The following TLL2 variants were observed in gnomAD, a reference collection of about 807,000 sequenced individuals.
TLL2 encodes tolloid-like protein 2.
In TLL2, 106 loss-of-function variants were observed where a neutral mutation model predicts 123.0. That is an observed-to-expected ratio of 0.86 (90% CI 0.74 to 1.01). The LOEUF is 1.01. TLL2 is among the 50% of genes least tolerant of loss of function. The pLI, the probability that TLL2 is intolerant of heterozygous loss-of-function variation, is 0.00. For synonymous variants in TLL2, 494 were observed against 516.8 expected, an observed-to-expected ratio of 0.96 and a Z score of 0.60; for missense variants, 1,332 against 1,336.7, an observed-to-expected ratio of 1.00 and a Z score of 0.06.
In TLL2 at chr10:96,395,908, C is replaced by A; in HGVS notation, c.1497G>T (p.Gly499=). Residue 499 remains glycine, a synonymous_variant, in exon 12 of 21, where the codon GGG becomes GGT. Transcript: ENST00000357947. ...ECVWRITVSE[G]FHVGLTFQAF... ...CTTGGAAGGTAAGTCCCACGTGAAA[C>A]CCCTCTGAAACCGTAATCCTCCAGA... 6.2e-7 allele frequency: 1 copy of A among 1,614,200 alleles called. No homozygotes were observed. The highest frequency in any genetic ancestry group is 8.5e-7 in the Non-Finnish European group (1 of 1,180,040).
rs576495374 is a variant in TLL2 at position 96,402,944 on chromosome 10, C to T, written c.1267+2288G>A. 5.5e-4 allele frequency among the ~76,000 whole-genome samples: 83 copies of T among 152,276 alleles called. 2 individuals carry two copies. Among genetic ancestry groups the T allele is most frequent in the South Asian group, 1.7e-3 (8 of 4,824 alleles). On this transcript the variant is annotated intron_variant, in intron 10 of 20. Coordinates refer to ENST00000357947, the MANE Select transcript of TLL2 (RefSeq NM_012465.4). ...CCTATCTCCATCTTGGCCAACCACC[C>T]GATACCAGCTCACTCTCAGGCTCGT...
At chr10:96,393,614 G>A (rs1299048237) in intron 13 of TLL2, among the ~76,000 whole-genome samples, 1 of 152,224 alleles carries the variant, frequency 6.6e-6, no homozygotes, top group Non-Finnish European at 1.5e-5. Flanking sequence ...CTGGGCCAGG[G>A]TGGGATTGGG....
intron 7 of TLL2, among the ~76,000 whole-genome samples, chr10:96,415,467 A>G (rs1846545508): frequency 6.6e-6 from 1 of 151,682 alleles, no homozygotes; most frequent in East Asian, 2.0e-4. Context: ...TTCTTATCAT[A>G]CTGTATTGTT....
At chr10:96,429,383 T>C (rs1415498762) in intron 4 of TLL2, among the ~76,000 whole-genome samples, 4 of 151,670 alleles carry the variant, frequency 2.6e-5, no homozygotes, top group Admixed American at 2.6e-4. Flanking sequence ...AAAAGCTTGT[T>C]CAGAATAGAA....
At position 96,386,110 on chromosome 10, in the gene TLL2, G is replaced by A; in HGVS notation, c.1958C>T (p.Pro653Leu). The A allele has an allele frequency of 6.2e-7, 1 of 1,612,766 alleles. No homozygotes were observed. The highest frequency in any genetic ancestry group is 1.3e-5 in the African/African-American group (1 of 74,944). ...NKNCVWQVVA[P>L]AQYRISLQFE... Reference sequence around the variant, plus strand: ...CTGAAGGGAGATCCGGTACTGAGCGGGGGCCACCACCTGCCAGACACAGTT... The same window carrying A: ...CTGAAGGGAGATCCGGTACTGAGCGAGGGCCACCACCTGCCAGACACAGTT... Residue 653 changes from proline to leucine, a missense_variant, in exon 15 of 21, where the codon CCC becomes CTC. Pro to Leu is a moderately conservative substitution (Grantham distance 98, BLOSUM62 -3). Coordinates refer to ENST00000357947, the MANE Select transcript of TLL2 (RefSeq NM_012465.4).
intron 2 of TLL2, among the ~76,000 whole-genome samples, chr10:96,464,612 C>T (rs1316798322): frequency 2.6e-5 from 4 of 152,054 alleles, no homozygotes; most frequent in Non-Finnish European, 5.9e-5. Context: ...ACTGTAAGCT[C>T]CCTGGAGGCA....
chr10:96,458,112 A>T (rs902277484), intron 2 of TLL2, among the ~76,000 whole-genome samples: 3 of 152,090 alleles, frequency 2.0e-5, no homozygotes, highest in East Asian at 3.9e-4. Flanking sequence ...ATGTAAGGCC[A>T]GCAGGACATG....
chr10:96,494,329 T>C (rs1050963350), intron 1 of TLL2, among the ~76,000 whole-genome samples: 1 of 152,216 alleles, frequency 6.6e-6, no homozygotes, highest in African/African-American at 2.4e-5. Flanking sequence ...TGCCACCTCC[T>C]ATCACCAACT....
At chr10:96,476,240 A>ATATATATATATATATATATTCTTTTTTT in intron 2 of TLL2, among the ~76,000 whole-genome samples, 7 of 20,472 alleles carry the variant, frequency 3.4e-4, no homozygotes, top group Admixed American at 5.2e-4. Flanking sequence ...ATATATATAT[A>ATATATATATATATATATATTCTTTTTTT]TTTTATTTTT....
chr10:96,482,465 A>C (rs971293408), intron 1 of TLL2, among the ~76,000 whole-genome samples: 3 of 152,252 alleles, frequency 2.0e-5, no homozygotes, highest in Admixed American at 2.0e-4. Flanking sequence ...ACAACGTGGC[A>C]TATCTATACA....
chr10:96,406,818 G>A (rs1320587957), intron 9 of TLL2, among the ~76,000 whole-genome samples: 1 of 152,076 alleles, frequency 6.6e-6, no homozygotes, highest in African/African-American at 2.4e-5. Flanking sequence ...CCATTGCCCC[G>A]ATGGTCAAGG....
intron 19 of TLL2, 56 bp downstream of exon 19, chr10:96,373,538 TTC>T: frequency 1.3e-6 from 2 of 1,539,860 alleles, no homozygotes; most frequent in South Asian, 2.3e-5. Context: ...CCTTCACCAT[TTC>T]TCTGTCTCCT....
chr10:96,406,531 T>C (rs1846452024), intron 9 of TLL2, among the ~76,000 whole-genome samples: 1 of 152,124 alleles, frequency 6.6e-6, no homozygotes, highest in Non-Finnish European at 1.5e-5. Context: ...CACTTCTTTA[T>C]ATTCAAACAG....
intron 2 of TLL2, among the ~76,000 whole-genome samples, chr10:96,476,465 T>C (rs1847253161): frequency 6.6e-6 from 1 of 151,486 alleles, no homozygotes; most frequent in Non-Finnish European, 1.5e-5. Context: ...TTTCACCATG[T>C]TGGCCAGGCT....
At chr10:96,384,566 C>T in intron 16 of TLL2, 21 bp downstream of exon 16, 1 of 1,555,070 alleles carries the variant, frequency 6.4e-7, no homozygotes, top group Non-Finnish European at 8.7e-7. Context: ...CTGCATCAGC[C>T]TCACCTCTGA....
chr10:96,386,249 G>A (rs1046545624), intron 14 of TLL2, 34 bp from the exon 15 acceptor site: 1 of 1,517,412 alleles, frequency 6.6e-7, no homozygotes, highest in Non-Finnish European at 8.9e-7. Context: ...GATTCATTTG[G>A]CTTTGGCTCC....
chr10:96,393,789 T>C (rs1319273937), intron 13 of TLL2, among the ~76,000 whole-genome samples: 2 of 151,682 alleles, frequency 1.3e-5, no homozygotes, highest in African/African-American at 4.8e-5. Flanking sequence ...TCTCCAATCC[T>C]TCAGCGCCAT....
chr10:96,464,730 A>G (rs973173749), intron 2 of TLL2, among the ~76,000 whole-genome samples: 24 of 152,362 alleles, frequency 1.6e-4, no homozygotes, highest in African/African-American at 4.8e-4. Context: ...AATTCCTTTT[A>G]AGAGAAGACA....
At chr10:96,438,894 T>C (rs1846823212) in intron 3 of TLL2, among the ~76,000 whole-genome samples, 1 of 152,242 alleles carries the variant, frequency 6.6e-6, no homozygotes, top group African/African-American at 2.4e-5. Context: ...ATGTGTTTTC[T>C]TCATCAATTG....
Sources: allele counts gnomAD v4.1 joint callset (sites outside exome capture counted in the v4.1 genomes callset), GRCh38; gene constraint gnomAD v4.1.1; transcripts MANE v1.5; gene names NCBI Gene and HGNC (gene_info 2026-07-23, HGNC 2026-07-21).